Variants in AHCTF1 observed in about 807,000 individuals in gnomAD.
AHCTF1 encodes AT-hook containing transcription factor 1, also known as protein ELYS.
In AHCTF1, 24 loss-of-function variants were observed where a neutral mutation model predicts 248.4. The observed-to-expected ratio is 0.10, with a 90% CI of 0.07 to 0.14. The LOEUF (loss-of-function observed/expected upper bound fraction) is 0.14. Among genes scored for constraint, AHCTF1 ranks in the 10% least tolerant of loss-of-function variants. The pLI, the probability that AHCTF1 is intolerant of heterozygous loss-of-function variation, is 1.00. For synonymous variants in AHCTF1, 786 were observed against 929.8 expected (o/e 0.85, Z 2.81); for missense variants, 2,206 against 2,636.2 (o/e 0.84, Z 3.57).
At chr1:246,924,260 C>T (rs1666777058) in intron 1 of AHCTF1, among the ~76,000 whole-genome samples, 1 of 152,060 alleles carries the variant, frequency 6.6e-6, no homozygotes, top group Non-Finnish European at 1.5e-5. Context: ...TTTAACAATT[C>T]CTTTCAGTTT....
At chr1:246,896,901 G>A (rs1664614092) in intron 12 of AHCTF1, among the ~76,000 whole-genome samples, 1 of 152,186 alleles carries the variant, frequency 6.6e-6, no homozygotes, top group Admixed American at 6.5e-5. Flanking sequence ...AAGAAGGCAT[G>A]ACTCTAAACG....
intron 4 of AHCTF1, among the ~76,000 whole-genome samples, chr1:246,909,177 T>G (rs1412432432): frequency 6.8e-6 from 1 of 147,916 alleles, no homozygotes; most frequent in Non-Finnish European, 1.5e-5. Flanking sequence ...TTTGGGAGGC[T>G]GAGGCAGGCA....
Position 246,851,110 on chromosome 1 carries a change from A to C in AHCTF1, c.4896T>G (p.Asn1632Lys). 1.2e-6 allele frequency: 2 copies of C among 1,613,806 alleles called. No individual in the cohort carries two copies. The highest frequency in any genetic ancestry group is 1.7e-6 in the Non-Finnish European group (2 of 1,179,858). ...AATTTGCAATTTGTCCATGATTATC[A>C]TTTTCCCCACTGCATACAAGTTTTT... ...TEEKLVCSGE[N>K]DNHGQIANLP... The change falls in exon 33 of 36, where the codon AAT (asparagine) becomes AAG (lysine). Residue 1632 changes from asparagine to lysine, a missense_variant. Physicochemically the swap from Asn to Lys is moderately conservative, Grantham distance 94. Transcript: ENST00000648844.
Position 246,851,068 on chromosome 1 carries a change from A to G in AHCTF1, c.4938T>C (p.Thr1646=). Residue 1646 remains threonine, a synonymous_variant, in exon 33 of 36, where the codon ACT becomes ACC. Transcript: ENST00000648844. Reference sequence around the variant, plus strand: ...CTACTTTTTGGGACTTTTGGTCACTAGTTACGGCAGATGGCAAATTTGCAA... The same window carrying G: ...CTACTTTTTGGGACTTTTGGTCACTGGTTACGGCAGATGGCAAATTTGCAA... ...GQIANLPSAV[T]SDQKSQKVDT... is the part of the protein sequence containing the mutation. 1.2e-6 allele frequency: 2 copies of G among 1,613,958 alleles called. No homozygotes were observed. Among genetic ancestry groups the G allele is most frequent in the Non-Finnish European group, 1.7e-6 (2 of 1,179,868 alleles).
intron 26 of AHCTF1, among the ~76,000 whole-genome samples, chr1:246,866,447 AAATTT>A (rs1404762209): frequency 1.1e-4 from 16 of 152,180 alleles, no homozygotes; most frequent in Admixed American, 9.2e-4. Flanking sequence ...CAACCTAACT[AAATTT>A]AGTCCAAAAA....
At chr1:246,890,920 TTTAA>T in intron 16 of AHCTF1, 32 bp downstream of exon 16, 1 of 1,293,492 alleles carries the variant, frequency 7.7e-7, no homozygotes, top group Non-Finnish European at 1.0e-6. Context: ...TTCAGAATGT[TTTAA>T]TTAATACTTA....
At chr1:246,925,050 T>C (rs1424432647) in intron 1 of AHCTF1, among the ~76,000 whole-genome samples, 1 of 152,098 alleles carries the variant, frequency 6.6e-6, no homozygotes, top group African/African-American at 2.4e-5. Flanking sequence ...ATTGTTACTA[T>C]GTTGTTTTCC....
intron 17 of AHCTF1, among the ~76,000 whole-genome samples, chr1:246,888,908 G>C (rs908323892): frequency 6.6e-6 from 1 of 152,080 alleles, no homozygotes; most frequent in Non-Finnish European, 1.5e-5. Context: ...TCTAAAAACA[G>C]AGAGAGAGGA....
Position 246,866,922 on chromosome 1 carries a change from G to A in AHCTF1, c.3347+322C>T, listed in dbSNP as rs78531048. ...TCAATGAGCTACCCAAGATTAATCT[G>A]TAATTAAGTATAAAAACAACCCTCA... On this transcript the variant is annotated intron_variant, in intron 26 of 35. Coordinates refer to ENST00000648844, the MANE Select transcript of AHCTF1 (RefSeq NM_001323342.2). Among the ~76,000 whole-genome samples the A allele has an allele frequency of 7.7e-3, 1,167 of 152,188 alleles. 9 individuals carry two copies. The highest frequency in any genetic ancestry group is 0.012 in the Admixed American group (176 of 15,286).
rs769420501 is a variant in AHCTF1, at chr1:246,860,985, G to A, written c.4046C>T (p.Thr1349Ile). 2 of 1,613,958 alleles carry A rather than the reference G, an allele frequency of 1.2e-6. No homozygotes were observed. Among genetic ancestry groups the A allele is most frequent in the South Asian group, 1.1e-5 (1 of 91,080 alleles). ...CTTTTCAGTTTGTTCAGTTACATTA[G>A]TAGTTAGTGCAGTGGAAGAGCTTTT... is the stretch of plus-strand genomic sequence containing the variant. The part of the protein sequence containing the change: ...KPKSSSTALT[T>I]NVTEQTEKDG... The change falls in exon 29 of 36, where the codon ACT becomes ATT. Residue 1349 changes from threonine to isoleucine, a missense_variant. Thr to Ile is a moderately conservative substitution (Grantham distance 89). Coordinates refer to ENST00000648844, the MANE Select transcript of AHCTF1 (RefSeq NM_001323342.2).
Position 246,861,238 on chromosome 1 carries a change from C to G in AHCTF1, c.3793G>C (p.Val1265Leu). The G allele has an allele frequency of 6.2e-7, 1 of 1,613,278 alleles. No individual in the cohort carries two copies. Among genetic ancestry groups the G allele is most frequent in the African/African-American group, 1.3e-5 (1 of 75,034 alleles). ...TTGCTCTTCAGCCATTCAGTTTCCA[C>G]TGGAACTGCACATTTTTTAGGTGTA... The part of the protein sequence containing the change: ...FTTPKKCAVP[V>L]ETEWLKSKDR... The change falls in exon 29 of 36, where the codon GTG becomes CTG. Residue 1265 changes from valine to leucine, a missense_variant. Around this residue, in one of 6 missense-constraint regions of AHCTF1, gnomAD observed 955 missense variants for 1,055.6 expected, o/e 0.90. Coordinates refer to ENST00000648844, the MANE Select transcript of AHCTF1 (RefSeq NM_001323342.2).
chr1:246,841,192 T>A lies in AHCTF1; in HGVS notation c.6609-194A>T, dbSNP rs562318858. On this transcript the variant is annotated intron_variant, in intron 35 of 35. Transcript: ENST00000648844. The stretch of plus-strand genomic sequence containing the variant: ...ATCAGAAGCAGAGTTCAGGTTTCAT[T>A]AAGGGGAATTTTTTCATTTTCGATC... Among the ~76,000 whole-genome samples, 3 of 152,290 alleles carry A rather than the reference T, an allele frequency of 2.0e-5. No individual in the cohort carries two copies. The South Asian group carries it at 6.2e-4, about 32-fold the overall frequency.
chr1:246,931,005 AAAGG>A (rs1667310155), intron 1 of AHCTF1: 2 of 1,355,816 alleles, frequency 1.5e-6, no homozygotes, highest in African/African-American at 3.0e-5. Flanking sequence ...CAGGTAGGAA[AAAGG>A]AAGGCAAAGC....
chr1:246,899,605 G>A (rs367764687), intron 10 of AHCTF1, 93 bp from the exon 11 acceptor site: 2 of 857,410 alleles, frequency 2.3e-6, no homozygotes, highest in Non-Finnish European at 3.6e-6. Context: ...GCAAGGCAAG[G>A]TGTCAAATTA....
chr1:246,906,974 A>G lies in AHCTF1; in HGVS notation c.764+577T>C, dbSNP rs139518980. On this transcript the variant is annotated intron_variant, in intron 5 of 35. Transcript: ENST00000648844. ...TATTATACAAACACAGCCATGTGTCACTTAACAAAAGGGGATCTGTTCTGA... is the reference window on the plus strand; with the variant it reads ...TATTATACAAACACAGCCATGTGTCGCTTAACAAAAGGGGATCTGTTCTGA... Among the ~76,000 whole-genome samples the G allele has an allele frequency of 2.6e-5, 4 of 152,308 alleles. No homozygotes were observed. The East Asian group carries it at 7.7e-4, about 29-fold the overall frequency.
At chr1:246,862,798 GAA>G (rs921688741) in intron 27 of AHCTF1, among the ~76,000 whole-genome samples, 3 of 151,962 alleles carry the variant, frequency 2.0e-5, no homozygotes, top group Non-Finnish European at 4.4e-5. Context: ...TAGTGTTTCA[GAA>G]AAAAAATTTC....
chr1:246,924,070 G>C (rs915480169), intron 1 of AHCTF1, among the ~76,000 whole-genome samples: 1 of 152,122 alleles, frequency 6.6e-6, no homozygotes, highest in Non-Finnish European at 1.5e-5. Context: ...CCTATCTATT[G>C]AGTACAGAAA....
Position 246,895,862 on chromosome 1 carries a change from C to T in AHCTF1, c.1687G>A (p.Gly563Ser). 1.9e-6 allele frequency: 3 copies of T among 1,612,940 alleles called. No individual in the cohort carries two copies. The highest frequency in any genetic ancestry group is 1.1e-5 in the South Asian group (1 of 90,860). ...TCTGTTATCCATCTTCGGATATAAC[C>T]AGTCAAAAGTCCCAGGGAACTAGTC... ...IQTSSLGLLTGYIRRWITEEQ... is the reference protein window; with the variant it reads ...IQTSSLGLLTSYIRRWITEEQ... Residue 563 changes from glycine (G) to serine (S), a missense_variant, in exon 13 of 36, where the codon GGT becomes AGT. Transcript: ENST00000648844.
intron 35 of AHCTF1, among the ~76,000 whole-genome samples, chr1:246,841,363 C>T (rs963003451): frequency 2.0e-5 from 3 of 152,154 alleles, no homozygotes; most frequent in African/African-American, 7.2e-5. Flanking sequence ...TGTGGCATGT[C>T]AGAAATGTCA....
Sources: gnomAD v4.1 joint callset for allele counts (sites outside exome capture counted in the v4.1 genomes callset) on GRCh38, gnomAD v4.1.1 for gene constraint, gnomAD v4.1.1 regional missense constraint, MANE v1.5 for transcripts, NCBI Gene and HGNC (gene_info 2026-07-23, HGNC 2026-07-21) for gene names.